GAB2: variants seen among roughly 807,000 people sequenced by gnomAD.
GAB2 encodes GRB2 associated binding protein 2, also known as GRB2-associated-binding protein 2.
In GAB2, 26 loss-of-function variants were observed where a neutral mutation model predicts 65.5. The observed-to-expected ratio is 0.40, with a 90% confidence interval of 0.29 to 0.55. The LOEUF (loss-of-function observed/expected upper bound fraction) is 0.55. GAB2 is among the 20% of genes least tolerant of loss of function. GAB2 has a pLI of 0.53. For missense variants in GAB2, 884 were observed against 875.8 expected, an observed-to-expected ratio of 1.01 and a Z score of -0.12; for synonymous variants, 321 against 329.6, an observed-to-expected ratio of 0.97 and a Z score of 0.28.
Position 78,233,669 on chromosome 11 carries a change from C to A in GAB2, c.621-6618G>T, listed in dbSNP as rs932056017. On this transcript the variant is annotated intron_variant, in intron 3 of 9. Coordinates refer to ENST00000361507, the MANE Select transcript of GAB2 (RefSeq NM_080491.3). ...TCGCCCAAGCTAGAGTGCAGTGGTG[C>A]CATCTTGGCTCACTGCAACCTCCAC... is the stretch of plus-strand genomic sequence containing the variant. Among the ~76,000 whole-genome samples, 5 of 151,924 alleles carry A rather than the reference C, an allele frequency of 3.3e-5. No individual in the cohort carries two copies. The East Asian group carries it at 9.8e-4, about 30-fold the overall frequency.
chr11:78,281,496 C>T lies in GAB2; in HGVS notation c.76-595G>A, dbSNP rs181091168. 1.8e-3 allele frequency among the ~76,000 whole-genome samples: 281 copies of T among 152,226 alleles called. 3 individuals are homozygous for T. The highest frequency in any genetic ancestry group is 6.8e-3 in the Middle Eastern group (2 of 292). Reference sequence around the variant, plus strand: ...CCAACCTCAGGTGATCCACCTGCCTCGGCCTCCCAAAAGTGCTGGGATTAC... The same window carrying T: ...CCAACCTCAGGTGATCCACCTGCCTTGGCCTCCCAAAAGTGCTGGGATTAC... On this transcript the variant is annotated intron_variant, in intron 1 of 9. Transcript: ENST00000361507.
intron 9 of GAB2, among the ~76,000 whole-genome samples, chr11:78,220,019 T>TCA (rs997603494): frequency 2.0e-5 from 3 of 152,140 alleles, no homozygotes; most frequent in Non-Finnish European, 4.4e-5. Flanking sequence ...TGTTGCTGAT[T>TCA]CACTTTGTAA....
At chr11:78,229,929 C>T (rs1864791345) in intron 3 of GAB2, among the ~76,000 whole-genome samples, 1 of 152,192 alleles carries the variant, frequency 6.6e-6, no homozygotes, top group African/African-American at 2.4e-5. Flanking sequence ...ATTCTTACAT[C>T]CTCTACCTCT....
At chr11:78,367,970 C>T (rs1050326800) in intron 1 of GAB2, among the ~76,000 whole-genome samples, 1 of 152,110 alleles carries the variant, frequency 6.6e-6, no homozygotes, top group Non-Finnish European at 1.5e-5. Flanking sequence ...GCACCCGCCA[C>T]TGCGCCCGGC....
At chr11:78,340,778 C>T (rs1358160703) in intron 1 of GAB2, among the ~76,000 whole-genome samples, 2 of 152,166 alleles carry the variant, frequency 1.3e-5, no homozygotes, top group Non-Finnish European at 2.9e-5. Context: ...CACAACCTCA[C>T]AACAGATGAC....
intron 1 of GAB2, among the ~76,000 whole-genome samples, chr11:78,336,326 C>CAAAAAAA (rs71046966): frequency 2.1e-4 from 4 of 19,254 alleles, no homozygotes; most frequent in Non-Finnish European, 3.5e-4. Flanking sequence ...GACTGTCTCT[C>CAAAAAAA]AAAAAAAAAA....
At chr11:78,415,240 C>T (rs1456891006) in intron 1 of GAB2, among the ~76,000 whole-genome samples, 1 of 152,182 alleles carries the variant, frequency 6.6e-6, no homozygotes, top group East Asian at 1.9e-4. Context: ...ACTTTTTCCC[C>T]TTATCACATA....
rs994876210 is a variant in GAB2, at chr11:78,215,899, G to A, written c.*3373C>T. 1 of 152,716 alleles carries A rather than the reference G, an allele frequency of 6.5e-6. No individual in the cohort carries two copies. The highest frequency in any genetic ancestry group is 2.4e-5 in the African/African-American group (1 of 41,464). 9.5% of individuals were successfully genotyped at this position (152,716 alleles called of 1,614,324 possible). On this transcript the variant is annotated 3_prime_UTR_variant, in exon 10 of 10. Coordinates refer to ENST00000361507, the MANE Select transcript of GAB2 (RefSeq NM_080491.3). The stretch of plus-strand genomic sequence containing the variant: ...GCTGGGCCGAGATGTCCCCATGGGA[G>A]AAGGGGCCAGAGGGAGGATGAGCTG...
intron 2 of GAB2, among the ~76,000 whole-genome samples, chr11:78,260,475 CT>C (rs61091091): frequency 2.7e-3 from 386 of 145,488 alleles, no homozygotes; most frequent in Non-Finnish European, 2.7e-3. Flanking sequence ...CCTTCTAAAT[CT>C]TTTTTTTTTT....
At chr11:78,414,654 G>T (rs561176425) in intron 1 of GAB2, among the ~76,000 whole-genome samples, 1 of 152,230 alleles carries the variant, frequency 6.6e-6, no homozygotes, top group South Asian at 2.1e-4. Flanking sequence ...GCCATATCAG[G>T]ATGCCCCAGA....
intron 1 of GAB2, among the ~76,000 whole-genome samples, chr11:78,372,407 G>T (rs1473220083): frequency 6.6e-6 from 1 of 152,216 alleles, no homozygotes; most frequent in Non-Finnish European, 1.5e-5. Flanking sequence ...AAGAGTAAGT[G>T]TGCCAAATAC....
chr11:78,407,679 A>AAGAAAGAAAGAAAGAAAGAGATGGC (rs1857069316), intron 1 of GAB2, among the ~76,000 whole-genome samples: 1 of 150,624 alleles, frequency 6.6e-6, no homozygotes, highest in African/African-American at 2.5e-5. Context: ...GAAAGAAAGA[A>AAGAAAGAAAGAAAGAAAGAGATGGC]AGAAAGAAAG....
chr11:78,394,632 G>A (rs1591085247), intron 1 of GAB2, among the ~76,000 whole-genome samples: 1 of 152,216 alleles, frequency 6.6e-6, no homozygotes, highest in East Asian at 1.9e-4. Context: ...CTGGACAGAG[G>A]AAGGAGAAAC....
rs149411674 is a variant in GAB2, at chr11:78,404,998, T to C, written c.75+12648A>G. ...CTTGTATCAAAATTTCACATCTCCATAAATATTTACAACTATTATGTATCC... is the reference window on the plus strand; with the variant it reads ...CTTGTATCAAAATTTCACATCTCCACAAATATTTACAACTATTATGTATCC... On this transcript the variant is annotated intron_variant, in intron 1 of 9. Transcript: ENST00000361507. Among the ~76,000 whole-genome samples, 176 of 150,868 alleles carry C rather than the reference T, an allele frequency of 1.2e-3. 3 individuals carry two copies. In the East Asian group the frequency reaches 0.024, roughly 20 times the overall value.
At chr11:78,234,041 A>AC in intron 3 of GAB2, among the ~76,000 whole-genome samples, 1 of 152,250 alleles carries the variant, frequency 6.6e-6, no homozygotes, top group South Asian at 2.1e-4. Context: ...ATCTTTGCTT[A>AC]CCTCAAGATC....
intron 2 of GAB2, among the ~76,000 whole-genome samples, chr11:78,270,855 G>A (rs951929291): frequency 6.6e-6 from 1 of 152,220 alleles, no homozygotes; most frequent in African/African-American, 2.4e-5. Flanking sequence ...ACAACGCTGT[G>A]AGGAGCATCA....
intron 1 of GAB2, among the ~76,000 whole-genome samples, chr11:78,322,213 G>A (rs1460090145): frequency 2.1e-5 from 3 of 144,450 alleles, no homozygotes; most frequent in African/African-American, 7.7e-5. Context: ...GCCGAGGCAG[G>A]AGAATCACTT....
intron 7 of GAB2, among the ~76,000 whole-genome samples, 156 bp from the exon 8 acceptor site, chr11:78,221,935 A>T (rs1257936503): frequency 6.6e-6 from 1 of 152,214 alleles, no homozygotes; most frequent in Non-Finnish European, 1.5e-5. Flanking sequence ...AGGTATAATT[A>T]TTCTCTTTTA....
At chr11:78,255,879 G>A (rs1031110411) in intron 2 of GAB2, among the ~76,000 whole-genome samples, 12 of 152,198 alleles carry the variant, frequency 7.9e-5, no homozygotes, top group African/African-American at 2.9e-4. Context: ...GACATGGTGT[G>A]CTACATGTAA....
Sources: gnomAD v4.1 joint callset for allele counts (sites outside exome capture counted in the v4.1 genomes callset) on GRCh38, gnomAD v4.1.1 for gene constraint, MANE v1.5 for transcripts, NCBI Gene and HGNC (gene_info 2026-07-23, HGNC 2026-07-21) for gene names.